The following DAB1 variants were observed in gnomAD, a reference collection of about 807,000 sequenced individuals.
The protein encoded by DAB1 is DAB adaptor protein 1.
In DAB1, 15 loss-of-function variants were observed where a neutral mutation model predicts 64.6. The observed-to-expected ratio is 0.23, with a 90% CI of 0.16 to 0.36. The LOEUF (loss-of-function observed/expected upper bound fraction) is 0.36, where lower values mean the gene tolerates loss of function less well. DAB1 is among the 10% of genes least tolerant of loss of function. The pLI, the probability that DAB1 is intolerant of heterozygous loss-of-function variation, is 1.00. For missense variants in DAB1, 596 were observed against 706.7 expected (o/e 0.84, Z 1.78); for synonymous variants, 235 against 251.9 (o/e 0.93, Z 0.64).
At chr1:57,348,201 A>G (rs1463041310) in intron 1 of DAB1, among the ~76,000 whole-genome samples, 3 of 152,150 alleles carry the variant, frequency 2.0e-5, no homozygotes, top group African/African-American at 4.8e-5. Flanking sequence ...GAGAGATAGG[A>G]ATCCACAGAG....
intron 4 of DAB1, among the ~76,000 whole-genome samples, chr1:57,091,365 G>A (rs1253649502): frequency 6.6e-6 from 1 of 152,094 alleles, no homozygotes; most frequent in Non-Finnish European, 1.5e-5. Context: ...ATCATTCAAG[G>A]TTCTTTGGAA....
At chr1:57,158,766 G>A (rs1660473122) in intron 2 of DAB1, among the ~76,000 whole-genome samples, 2 of 152,086 alleles carry the variant, frequency 1.3e-5, no homozygotes, top group Admixed American at 1.3e-4. Context: ...ACACTTAGGG[G>A]GCTGTTAAAA....
In DAB1 at chr1:58,437,179, C is replaced by A. The variant is rs72916045; in HGVS notation, n.257+68881G>T. On this transcript the variant is annotated intron_variant and non_coding_transcript_variant, in intron 3 of 20. Coordinates refer to the DAB1 transcript ENST00000485760. ...ATGTGCCTAAGAGCCGCCTGGAGAG[C>A]TGGTTAATGATTCAGATTCTCAGGC... 7.7e-3 allele frequency among the ~76,000 whole-genome samples: 1,178 copies of A among 152,286 alleles called. 16 individuals carry two copies. The highest frequency in any genetic ancestry group is 0.027 in the African/African-American group (1,135 of 41,542).
intron 2 of DAB1, among the ~76,000 whole-genome samples, chr1:57,171,509 T>C (rs1284933096): frequency 1.3e-5 from 1 of 74,558 alleles, no homozygotes; most frequent in African/African-American, 3.0e-5. Flanking sequence ...CTTTAAATAA[T>C]GTTGTTTCAA....
chr1:57,259,532 A>G (rs1251206076), intron 2 of DAB1, among the ~76,000 whole-genome samples: 5 of 152,168 alleles, frequency 3.3e-5, no homozygotes, highest in African/African-American at 1.2e-4. Context: ...GCAAAGACTT[A>G]AAAAATGAGG....
intron 3 of DAB1, among the ~76,000 whole-genome samples, chr1:58,402,833 G>A (rs1039106797): frequency 2.6e-5 from 4 of 152,182 alleles, no homozygotes; most frequent in Non-Finnish European, 5.9e-5. Flanking sequence ...GGTAAACAAC[G>A]AAATAATTAT....
At chr1:58,214,404 C>T (rs1477599272) in intron 4 of DAB1, among the ~76,000 whole-genome samples, 1 of 152,160 alleles carries the variant, frequency 6.6e-6, no homozygotes, top group Non-Finnish European at 1.5e-5. Flanking sequence ...ACGGGCTGCA[C>T]TTGGAGCTAA....
At chr1:57,093,342 C>T (rs2100665668) in intron 4 of DAB1, among the ~76,000 whole-genome samples, 1 of 152,294 alleles carries the variant, frequency 6.6e-6, no homozygotes, top group East Asian at 1.9e-4. Context: ...AATAACACAT[C>T]ACCATATAAG....
upstream of DAB1, among the ~76,000 whole-genome samples, chr1:57,887,765 G>A (rs1002857713): frequency 1.3e-5 from 2 of 152,148 alleles, no homozygotes; most frequent in Non-Finnish European, 2.9e-5. Flanking sequence ...CTATTAAAAG[G>A]AGAAAAATCC....
chr1:57,889,212 T>A (rs1349664856), intron 5 of DAB1, among the ~76,000 whole-genome samples: 1 of 152,250 alleles, frequency 6.6e-6, no homozygotes, highest in Non-Finnish European at 1.5e-5. Context: ...ACTACTGCAG[T>A]GTCCTTGAAA....
At chr1:57,886,517 C>T (rs76869792), upstream of DAB1, among the ~76,000 whole-genome samples, 302 of 152,290 alleles carry the variant, frequency 2.0e-3, 1 homozygote, top group Non-Finnish European at 3.6e-3. Context: ...TTCTTTACCA[C>T]GTACCAGGCA....
At chr1:58,125,321 A>T (rs1264531999) in intron 5 of DAB1, among the ~76,000 whole-genome samples, 3 of 152,168 alleles carry the variant, frequency 2.0e-5, no homozygotes, top group Non-Finnish European at 4.4e-5. Context: ...ATCTTAGTTT[A>T]GTCCAATGTT....
chr1:58,377,554 T>G (rs1028489958), intron 3 of DAB1, among the ~76,000 whole-genome samples: 2 of 138,618 alleles, frequency 1.4e-5, no homozygotes, highest in Admixed American at 7.2e-5. Context: ...GATCTGCTGT[T>G]AGTCTGATGG....
chr1:58,534,704 G>C (rs1215342906), intron 1 of DAB1, among the ~76,000 whole-genome samples: 1 of 152,224 alleles, frequency 6.6e-6, no homozygotes, highest in Non-Finnish European at 1.5e-5. Context: ...GGAGGCCAAG[G>C]CAGGAGGATC....
At chr1:57,744,950 C>A (rs898659891) in intron 6 of DAB1, among the ~76,000 whole-genome samples, 1 of 152,082 alleles carries the variant, frequency 6.6e-6, no homozygotes, top group African/African-American at 2.4e-5. Context: ...TTCACAGAAC[C>A]CTGTACATTT....
intron 6 of DAB1, among the ~76,000 whole-genome samples, chr1:57,807,384 G>A (rs1651413806): frequency 6.6e-6 from 1 of 152,100 alleles, no homozygotes; most frequent in Non-Finnish European, 1.5e-5. Flanking sequence ...GACGCCCTGT[G>A]ACTATGCAGC....
At chr1:57,095,609 G>C (rs982261955) in intron 4 of DAB1, among the ~76,000 whole-genome samples, 1 of 152,218 alleles carries the variant, frequency 6.6e-6, no homozygotes, top group African/African-American at 2.4e-5. Flanking sequence ...GGCTGGCACA[G>C]TGTAAGCACT....
intron 5 of DAB1, among the ~76,000 whole-genome samples, chr1:57,928,058 CCA>C (rs1644904630): frequency 6.6e-6 from 1 of 152,044 alleles, no homozygotes; most frequent in African/African-American, 2.4e-5. Context: ...ACATTTGTTT[CCA>C]GTTTTCTTTT....
chr1:58,347,738 T>A (rs1644015205), intron 3 of DAB1, among the ~76,000 whole-genome samples: 1 of 152,162 alleles, frequency 6.6e-6, no homozygotes. Flanking sequence ...CCAAAAGACC[T>A]CACCTCTGTT....
Sources: gnomAD v4.1 joint callset for allele counts (sites outside exome capture counted in the v4.1 genomes callset) on GRCh38, gnomAD v4.1.1 for gene constraint, MANE v1.5 for transcripts, NCBI Gene and HGNC (gene_info 2026-07-23, HGNC 2026-07-21) for gene names.